KDM2A: variants seen among roughly 807,000 people sequenced by gnomAD.
KDM2A encodes lysine demethylase 2A, also known as lysine-specific demethylase 2A.
Under a neutral mutation model 137.3 loss-of-function variants are expected in KDM2A, and 3 were observed. The ratio of observed to expected loss-of-function variants is 0.02; its 90% confidence interval spans 0.01 to 0.06. The LOEUF is 0.06. Ranked by LOEUF, KDM2A falls within the 10% of genes least tolerant of loss-of-function variation. KDM2A has a pLI of 1.00. For missense variants in KDM2A, 738 were observed against 1,510.6 expected, an observed-to-expected ratio of 0.49 and a Z score of 8.48; for synonymous variants, 512 against 541.5, an observed-to-expected ratio of 0.95 and a Z score of 0.76.
At chr11:67,126,043 C>G (rs1358985517) in intron 2 of KDM2A, among the ~76,000 whole-genome samples, 4 of 139,360 alleles carry the variant, frequency 2.9e-5, no homozygotes, top group Admixed American at 2.9e-4. Context: ...GTCGGGAGAT[C>G]GAGACCAGCC....
intron 15 of KDM2A, among the ~76,000 whole-genome samples, chr11:67,247,072 T>TATATATATATATAA (rs1491570916): frequency 5.5e-4 from 10 of 18,338 alleles, no homozygotes; most frequent in East Asian, 4.6e-3. Context: ...TATATATATA[T>TATATATATATATAA]TTTTTTTTTT....
At chr11:67,232,143 G>A (rs1392979549) in intron 12 of KDM2A, among the ~76,000 whole-genome samples, 183 bp downstream of exon 12, 6 of 152,298 alleles carry the variant, frequency 3.9e-5, no homozygotes, top group Non-Finnish European at 7.4e-5. Flanking sequence ...TTATGTCCCT[G>A]TTTTGAAAAT....
intron 2 of KDM2A, among the ~76,000 whole-genome samples, chr11:67,130,657 T>A (rs1239871299): frequency 1.3e-5 from 2 of 152,208 alleles, no homozygotes; most frequent in Admixed American, 1.3e-4. Context: ...TAACGGACAC[T>A]CTTAATTAGG....
chr11:67,224,767 A>G (rs1010561679), intron 10 of KDM2A, among the ~76,000 whole-genome samples: 2 of 150,394 alleles, frequency 1.3e-5, no homozygotes, highest in Non-Finnish European at 3.0e-5. Flanking sequence ...TGTCCGGCCA[A>G]AATTAATCCC....
intron 13 of KDM2A, among the ~76,000 whole-genome samples, chr11:67,244,123 G>A (rs1383303208): frequency 6.6e-6 from 1 of 152,192 alleles, no homozygotes; most frequent in African/African-American, 2.4e-5. Flanking sequence ...TCCCTAGTGG[G>A]AGGAGTCCTG....
intron 2 of KDM2A, among the ~76,000 whole-genome samples, chr11:67,140,922 TA>T (rs972790163): frequency 1.3e-5 from 2 of 152,182 alleles, no homozygotes; most frequent in African/African-American, 4.8e-5. Flanking sequence ...CACTTTTTAT[TA>T]GGTAGAACTA....
intron 5 of KDM2A, chr11:67,196,125 A>G (rs755080430): frequency 7.8e-6 from 3 of 385,254 alleles, no homozygotes; most frequent in Non-Finnish European, 1.6e-5. Context: ...GAGCAACGAC[A>G]TAGTCACCCA....
chr11:67,166,708 A>G (rs1368821514), intron 2 of KDM2A, among the ~76,000 whole-genome samples: 1 of 151,746 alleles, frequency 6.6e-6, no homozygotes, highest in Non-Finnish European at 1.5e-5. Context: ...GTTTGGCATC[A>G]ATATGGTGAC....
chr11:67,202,851 C>T (rs1857674590), intron 5 of KDM2A, among the ~76,000 whole-genome samples: 1 of 151,690 alleles, frequency 6.6e-6, no homozygotes, highest in South Asian at 2.1e-4. Flanking sequence ...AAGGATTAGC[C>T]AGCCATTGTG....
chr11:67,181,251 C>G, intron 3 of KDM2A, 69 bp from the exon 4 acceptor site: 3 of 966,984 alleles, frequency 3.1e-6, no homozygotes, highest in East Asian at 2.6e-5. Flanking sequence ...TACTTAGGAT[C>G]CTTTTTATGG....
In KDM2A at chr11:67,119,986, A is replaced by G. The variant is rs2136272885; in HGVS notation, c.-147A>G. 1 of 152,330 alleles carries G rather than the reference A, an allele frequency of 6.6e-6. No individual in the cohort carries two copies. The highest frequency in any genetic ancestry group is 1.9e-4 in the East Asian group (1 of 5,184). 9.4% of individuals were successfully genotyped at this position (152,330 alleles called of 1,614,324 possible). A position where few individuals can be genotyped will look rare whatever the true frequency, so the allele number is the denominator to read the frequency against. On this transcript the variant is annotated 5_prime_UTR_variant, in exon 1 of 21. Transcript: ENST00000529006. ...CGAAGACGACGTTTGGGATTTAATTATTCCTCTCAGCTTTGGAATCTTTTA... is the reference window on the plus strand; with the variant it reads ...CGAAGACGACGTTTGGGATTTAATTGTTCCTCTCAGCTTTGGAATCTTTTA...
chr11:67,201,990 G>A (rs1857639036), intron 5 of KDM2A, among the ~76,000 whole-genome samples: 1 of 151,820 alleles, frequency 6.6e-6, no homozygotes. Flanking sequence ...GAGCATTTGT[G>A]GTACATGGGA....
At chr11:67,132,155 A>G (rs1423701273) in intron 2 of KDM2A, 2 of 152,230 alleles carry the variant, frequency 1.3e-5, no homozygotes, top group South Asian at 2.1e-4. Context: ...TATAAGGCCT[A>G]TTCTGTGGAT....
chr11:67,225,694 C>CA (rs1406618471), intron 10 of KDM2A, among the ~76,000 whole-genome samples: 13 of 151,734 alleles, frequency 8.6e-5, no homozygotes, highest in Admixed American at 7.9e-4. Flanking sequence ...CGCTTGAACT[C>CA]AGAGGCACAG....
chr11:67,213,357 G>A (rs1247336458), intron 6 of KDM2A, among the ~76,000 whole-genome samples: 1 of 152,146 alleles, frequency 6.6e-6, no homozygotes, highest in Admixed American at 6.6e-5. Flanking sequence ...TTACCTACCT[G>A]GAGTTCATTG....
At chr11:67,230,004 G>C (rs368148624) in intron 11 of KDM2A, among the ~76,000 whole-genome samples, 2 of 151,916 alleles carry the variant, frequency 1.3e-5, no homozygotes, top group Non-Finnish European at 2.9e-5. Context: ...GTGAAACCCC[G>C]TCTCTACTAA....
chr11:67,192,856 A>G (rs189597899), intron 5 of KDM2A, among the ~76,000 whole-genome samples: 1 of 152,150 alleles, frequency 6.6e-6, no homozygotes, highest in East Asian at 1.9e-4. Context: ...AAGAGTATAC[A>G]TTTTCACCTT....
At chr11:67,174,026 G>A (rs1462035757) in intron 2 of KDM2A, among the ~76,000 whole-genome samples, 4 of 152,168 alleles carry the variant, frequency 2.6e-5, no homozygotes, top group Non-Finnish European at 5.9e-5. Flanking sequence ...GGGAGGCCAC[G>A]GCAGGCAAAT....
At chr11:67,120,148 C>T (rs1169102414) in intron 1 of KDM2A, 99 bp downstream of exon 1, 1 of 152,186 alleles carries the variant, frequency 6.6e-6, no homozygotes, top group Non-Finnish European at 1.5e-5. Flanking sequence ...ATGGGTGAAC[C>T]ATTGAAACGC....
Sources: allele counts gnomAD v4.1 joint callset (sites outside exome capture counted in the v4.1 genomes callset), GRCh38; gene constraint gnomAD v4.1.1; transcripts MANE v1.5; gene names NCBI Gene and HGNC (gene_info 2026-07-23, HGNC 2026-07-21).